NOL4: variants seen among roughly 807,000 people sequenced by gnomAD.
NOL4 encodes cancer/testis antigen 125.
In NOL4, 17 loss-of-function variants were observed where a neutral mutation model predicts 75.9. That is an observed-to-expected ratio of 0.22 (90% CI 0.15 to 0.34). The LOEUF (loss-of-function observed/expected upper bound fraction) is 0.34. Ranked by LOEUF, NOL4 falls within the 10% of genes least tolerant of loss-of-function variation. The pLI is 1.00. For synonymous variants in NOL4, 292 were observed against 289.9 expected, an observed-to-expected ratio of 1.01 and a Z score of -0.07; for missense variants, 614 against 793.5, an observed-to-expected ratio of 0.77 and a Z score of 2.72.
At chr18:33,906,481 C>A (rs1026456996) in intron 9 of NOL4, among the ~76,000 whole-genome samples, 1 of 152,270 alleles carries the variant, frequency 6.6e-6, no homozygotes, top group Non-Finnish European at 1.5e-5. Flanking sequence ...GTGCGGTGAG[C>A]TGAAAGAGTT....
At chr18:34,105,822 G>T (rs143871932) in intron 2 of NOL4, among the ~76,000 whole-genome samples, 51 of 151,942 alleles carry the variant, frequency 3.4e-4, no homozygotes, top group African/African-American at 1.1e-3. Context: ...CTTTTCTGTG[G>T]CCTATATAGA....
chr18:33,943,040 A>C (rs745349041), intron 9 of NOL4, 25 bp downstream of exon 9: 2 of 1,480,256 alleles, frequency 1.4e-6, no homozygotes, highest in Non-Finnish European at 1.9e-6. Context: ...GCTGGTGTTC[A>C]CCAGACTTCA....
chr18:33,872,486 T>C (rs1279937514), intron 10 of NOL4, among the ~76,000 whole-genome samples: 1 of 152,022 alleles, frequency 6.6e-6, no homozygotes, highest in African/African-American at 2.4e-5. Flanking sequence ...GTGAATGATA[T>C]ATGATAAATG....
intron 1 of NOL4, among the ~76,000 whole-genome samples, chr18:34,212,648 T>C (rs1474449825): frequency 6.6e-6 from 1 of 152,164 alleles, no homozygotes; most frequent in Non-Finnish European, 1.5e-5. Context: ...TGCATTCTCA[T>C]TTGGAAACTC....
chr18:34,088,959 C>A (rs1442023641), intron 5 of NOL4, among the ~76,000 whole-genome samples: 2 of 151,970 alleles, frequency 1.3e-5, no homozygotes, highest in African/African-American at 4.8e-5. Context: ...AATTATCTAG[C>A]CTGGGGAAAA....
At chr18:33,881,496 G>GTGGGTT (rs1335906283) in intron 10 of NOL4, among the ~76,000 whole-genome samples, 1 of 152,040 alleles carries the variant, frequency 6.6e-6, no homozygotes, top group East Asian at 1.9e-4. Flanking sequence ...GATATTGGCT[G>GTGGGTT]TGGATGTGAA....
At chr18:34,045,690 T>A (rs1472135399) in intron 5 of NOL4, among the ~76,000 whole-genome samples, 5 of 152,082 alleles carry the variant, frequency 3.3e-5, no homozygotes, top group Non-Finnish European at 7.4e-5. Flanking sequence ...AGATAAAAAA[T>A]TTTCATGGCA....
chr18:34,204,750 C>T (rs561539273), intron 1 of NOL4, among the ~76,000 whole-genome samples: 7 of 151,372 alleles, frequency 4.6e-5, no homozygotes, highest in Non-Finnish European at 7.4e-5. Flanking sequence ...TAAGTTTATA[C>T]CAATTATATA....
intron 2 of NOL4, 27 bp from the exon 3 acceptor site, chr18:34,105,187 T>C (rs1427287260): frequency 7.2e-7 from 1 of 1,383,230 alleles, no homozygotes; most frequent in Admixed American, 1.7e-5. Flanking sequence ...AATACAGGTG[T>C]TATTATATAA....
chr18:33,985,559 A>G (rs2072368429), intron 6 of NOL4, among the ~76,000 whole-genome samples: 4 of 152,232 alleles, frequency 2.6e-5, no homozygotes, highest in African/African-American at 9.6e-5. Flanking sequence ...ATCCTCAAAA[A>G]TCGCCTTTTA....
chr18:33,865,867 T>A (rs1287802531), intron 10 of NOL4, among the ~76,000 whole-genome samples: 6 of 152,154 alleles, frequency 3.9e-5, no homozygotes, highest in Non-Finnish European at 8.8e-5. Context: ...CTTCTCTATT[T>A]AGTTAACATT....
At chr18:34,030,211 TA>T (rs1398879130) in intron 5 of NOL4, among the ~76,000 whole-genome samples, 1 of 152,232 alleles carries the variant, frequency 6.6e-6, no homozygotes, top group Non-Finnish European at 1.5e-5. Context: ...TCAAAAGCCA[TA>T]AATGTTAATC....
rs140402933 is a variant in NOL4 at position 34,090,637 on chromosome 18, G to T, written c.772+2828C>A. Among the ~76,000 whole-genome samples, 4 of 151,732 alleles carry T rather than the reference G, an allele frequency of 2.6e-5. No individual in the cohort carries two copies. In the East Asian group the frequency reaches 7.8e-4, roughly 29 times the overall value. On this transcript the variant is annotated intron_variant, in intron 5 of 10. Coordinates refer to ENST00000261592, the MANE Select transcript of NOL4 (RefSeq NM_003787.5). ...AAAAGGAGCCCACAGAGATGAATGA[G>T]ACAGAAATGGCACCAGAAAAAAAAA...
At chr18:33,966,262 A>C (rs925559283) in intron 6 of NOL4, among the ~76,000 whole-genome samples, 4 of 152,120 alleles carry the variant, frequency 2.6e-5, no homozygotes, top group Admixed American at 1.3e-4. Flanking sequence ...ACAAATTACA[A>C]AATTTTTGAA....
chr18:33,990,685 C>T (rs923136503), intron 6 of NOL4, among the ~76,000 whole-genome samples: 1 of 152,046 alleles, frequency 6.6e-6, no homozygotes, highest in Non-Finnish European at 1.5e-5. Flanking sequence ...CCTGCTCCTG[C>T]CTCTTTATCA....
intron 5 of NOL4, among the ~76,000 whole-genome samples, chr18:34,040,153 A>G (rs2076078301): frequency 6.6e-6 from 1 of 152,024 alleles, no homozygotes; most frequent in African/African-American, 2.4e-5. Flanking sequence ...TATATTTTTA[A>G]TAAAAACGAT....
intron 9 of NOL4, among the ~76,000 whole-genome samples, chr18:33,926,918 A>C (rs1053218655): frequency 5.9e-5 from 9 of 152,042 alleles, no homozygotes; most frequent in African/African-American, 2.2e-4. Flanking sequence ...TCCTCTAGAA[A>C]CTTTTCATTC....
At chr18:34,031,102 A>C (rs1209218043) in intron 5 of NOL4, among the ~76,000 whole-genome samples, 1 of 152,050 alleles carries the variant, frequency 6.6e-6, no homozygotes, top group Non-Finnish European at 1.5e-5. Flanking sequence ...GTAGTTCAGG[A>C]AGGGCACTTA....
chr18:33,904,006 G>A (rs185555950), intron 9 of NOL4, among the ~76,000 whole-genome samples: 3 of 152,242 alleles, frequency 2.0e-5, no homozygotes, highest in East Asian at 3.9e-4. Flanking sequence ...ATTCACAGAT[G>A]CCTAAATGGC....
Sources: allele counts gnomAD v4.1 joint callset (sites outside exome capture counted in the v4.1 genomes callset), GRCh38; gene constraint gnomAD v4.1.1; transcripts MANE v1.5; gene names NCBI Gene and HGNC (gene_info 2026-07-23, HGNC 2026-07-21).